Variants in LRP1B observed in about 807,000 individuals in gnomAD.
LRP1B encodes the protein LDL receptor related protein 1B.
A neutral mutation model predicts 556.6 loss-of-function variants in LRP1B; 217 were observed. That is an observed-to-expected ratio of 0.39 (90% confidence interval 0.35 to 0.44). The LOEUF is 0.44. LRP1B is among the 20% of genes least tolerant of loss of function. The pLI is 1.00. For synonymous variants in LRP1B, 2,047 were observed against 1,865.8 expected (o/e 1.10, Z -2.50); for missense variants, 5,053 against 5,620.8 (o/e 0.90, Z 3.23).
chr2:140,790,903 C>T (rs1254835490), intron 32 of LRP1B, among the ~76,000 whole-genome samples: 2 of 151,354 alleles, frequency 1.3e-5, no homozygotes, highest in African/African-American at 2.4e-5. Context: ...AAGTTTGAGA[C>T]CAGCCTAGGC....
Position 140,769,295 on chromosome 2 carries a change from T to C in LRP1B, c.5676A>G (p.Ile1892Met), listed in dbSNP as rs2104934753. ...CCATTTTGTCACTTGGTTCAAGAGG[T>C]ATTCCCCTGATTCCTTCATGAACAG... The part of the protein sequence containing the change: ...MYSVHEGIRG[I>M]PLEPSDKMDA... The change falls in exon 35 of 91, where the codon ATA becomes ATG. Residue 1892 changes from isoleucine (I) to methionine (M), a missense_variant. Coordinates refer to ENST00000389484, the MANE Select transcript of LRP1B (RefSeq NM_018557.3). 5.6e-6 allele frequency: 9 copies of C among 1,611,986 alleles called. No homozygotes were observed. Among genetic ancestry groups the C allele is most frequent in the South Asian group, 1.1e-5 (1 of 91,026 alleles).
intron 7 of LRP1B, among the ~76,000 whole-genome samples, chr2:141,135,259 C>T (rs1574110652): frequency 1.3e-5 from 2 of 152,038 alleles, no homozygotes; most frequent in Non-Finnish European, 2.9e-5. Flanking sequence ...CTTGTCAGCA[C>T]ACAGAATGGA....
At chr2:141,159,190 T>G (rs1702140072) in intron 7 of LRP1B, among the ~76,000 whole-genome samples, 2 of 152,172 alleles carry the variant, frequency 1.3e-5, no homozygotes, top group Non-Finnish European at 2.9e-5. Flanking sequence ...TTCTCACATA[T>G]CACCTTAGCA....
chr2:141,464,604 A>ATTTTTTTTTTTTTTTTTTTT (rs1415837703), intron 3 of LRP1B, among the ~76,000 whole-genome samples: 1 of 72,796 alleles, frequency 1.4e-5, no homozygotes, highest in Admixed American at 1.4e-4. Flanking sequence ...ATATATATAT[A>ATTTTTTTTTTTTTTTTTTTT]TATTTTTTTA....
intron 3 of LRP1B, among the ~76,000 whole-genome samples, chr2:141,472,317 G>A (rs952888537): frequency 1.3e-5 from 2 of 152,146 alleles, no homozygotes; most frequent in Admixed American, 1.3e-4. Flanking sequence ...AGGCCAAGGC[G>A]GGTGGATCAC....
At chr2:141,039,531 G>A (rs1006894557) in intron 11 of LRP1B, among the ~76,000 whole-genome samples, 4 of 151,988 alleles carry the variant, frequency 2.6e-5, no homozygotes, top group African/African-American at 7.2e-5. Context: ...AGATTACCAT[G>A]TATTTTCACC....
At position 140,867,609 on chromosome 2, in the gene LRP1B, A is replaced by G. The variant is rs1297494413; in HGVS notation, c.4560T>C (p.His1520=). Residue 1520 remains histidine (H), a synonymous_variant, in exon 27 of 91, where the codon CAT becomes CAC. Transcript: ENST00000389484. ...SAQPFDLQIY[H]PSRQPQAPNP... ...ACTTACCCTGTGGCTGGCGACTGGG[A>G]TGGTATATCTGAAGGTCAAATGGCT... The G allele has an allele frequency of 3.1e-6, 5 of 1,612,854 alleles. No individual in the cohort carries two copies. Among genetic ancestry groups the G allele is most frequent in the Admixed American group, 1.7e-5 (1 of 59,914 alleles).
intron 41 of LRP1B, among the ~76,000 whole-genome samples, chr2:140,647,448 AT>A (rs1339533079): frequency 6.6e-6 from 1 of 152,130 alleles, no homozygotes; most frequent in Non-Finnish European, 1.5e-5. Context: ...CCATACATAA[AT>A]TGACATGTAA....
chr2:140,906,972 T>TAAAAAA (rs398060601), intron 22 of LRP1B, among the ~76,000 whole-genome samples: 2,240 of 142,670 alleles, frequency 0.016, 48 homozygotes, highest in African/African-American at 0.05. Flanking sequence ...CCACATATGG[T>TAAAAAA]AAAAAAAAAA....
At chr2:140,243,657 G>A (rs926448225) in intron 87 of LRP1B, among the ~76,000 whole-genome samples, 2 of 151,252 alleles carry the variant, frequency 1.3e-5, no homozygotes, top group Non-Finnish European at 3.0e-5. Context: ...TAGTAAAGGT[G>A]ATCCTTCCAG....
chr2:140,335,877 C>T (rs1681065619), intron 77 of LRP1B, 39 bp from the exon 78 acceptor site: 1 of 1,322,754 alleles, frequency 7.6e-7, no homozygotes, highest in Non-Finnish European at 1.1e-6. Flanking sequence ...GTATTTTCAA[C>T]AGGAAATTAG....
chr2:140,840,769 A>C (rs964452052), intron 30 of LRP1B, 149 bp downstream of exon 30: 1 of 514,894 alleles, frequency 1.9e-6, no homozygotes, highest in Admixed American at 3.8e-5. Flanking sequence ...CTAACCAGGA[A>C]TCTCTTTTAC....
chr2:141,620,608 T>C (rs1688472976), intron 2 of LRP1B, among the ~76,000 whole-genome samples: 1 of 152,208 alleles, frequency 6.6e-6, no homozygotes. Flanking sequence ...TGACTTTTCA[T>C]AAATATGTTG....
intron 1 of LRP1B, among the ~76,000 whole-genome samples, chr2:142,032,435 C>T (rs1703742168): frequency 6.6e-6 from 1 of 151,790 alleles, no homozygotes; most frequent in Non-Finnish European, 1.5e-5. Context: ...TCAAGTTTTT[C>T]CATATTTAGA....
chr2:141,500,451 G>A lies in LRP1B; in HGVS notation c.206-19918C>T, dbSNP rs77221386. On this transcript the variant is annotated intron_variant, in intron 2 of 90. Coordinates refer to ENST00000389484, the MANE Select transcript of LRP1B (RefSeq NM_018557.3). ...GGCCCCGGTTACTAAGCTAAAGAGC[G>A]CAGAACAGGTTTTTCTTACCTACAT... Among the ~76,000 whole-genome samples, 511 of 152,152 alleles carry A rather than the reference G, an allele frequency of 3.4e-3. 9 individuals carry two copies. In the East Asian group the frequency reaches 0.055, roughly 17 times the overall value.
chr2:141,434,933 C>T (rs1258366705), intron 3 of LRP1B, among the ~76,000 whole-genome samples: 1 of 152,132 alleles, frequency 6.6e-6, no homozygotes, highest in Non-Finnish European at 1.5e-5. Context: ...ACTTATTTGT[C>T]CAATGTTGTG....
intron 21 of LRP1B, among the ~76,000 whole-genome samples, chr2:140,916,014 C>T (rs776267094): frequency 1.8e-4 from 27 of 151,658 alleles, no homozygotes; most frequent in Non-Finnish European, 3.1e-4. Context: ...GGTGACAGAG[C>T]GAGACTCTGT....
rs529487387 is a variant in LRP1B at position 141,169,335 on chromosome 2, TAAAG to T, written c.1013+19082_1013+19085del. The stretch of plus-strand genomic sequence containing the variant: ...ATAAATAAATAAATAAATAAATAAA[TAAAG>T]AAGAGATGGGACGTATGTAAGGAAT... On this transcript the variant is annotated intron_variant, in intron 7 of 90. Coordinates refer to ENST00000389484, the MANE Select transcript of LRP1B (RefSeq NM_018557.3). Among the ~76,000 whole-genome samples the T allele has an allele frequency of 1.8e-3, 232 of 128,508 alleles. 1 individual carries two copies. Among genetic ancestry groups the T allele is most frequent in the South Asian group, 0.018 (74 of 4,122 alleles). The allele number at this position is 128,508 out of a possible 152,430, so 84.3% of individuals were successfully genotyped here. A position where few individuals can be genotyped will look rare whatever the true frequency, so the allele number is the denominator to read the frequency against.
chr2:140,437,266 T>C (rs1686226327), intron 66 of LRP1B, among the ~76,000 whole-genome samples: 1 of 152,082 alleles, frequency 6.6e-6, no homozygotes, highest in South Asian at 2.1e-4. Context: ...TTCCAGCTGC[T>C]AACATGAAGG....
Sources: gnomAD v4.1 joint callset for allele counts (sites outside exome capture counted in the v4.1 genomes callset) on GRCh38, gnomAD v4.1.1 for gene constraint, MANE v1.5 for transcripts, NCBI Gene and HGNC (gene_info 2026-07-23, HGNC 2026-07-21) for gene names.